LETM2: variants seen among roughly 807,000 people sequenced by gnomAD.
LETM2 encodes the protein LETM1 domain-containing protein LETM2, mitochondrial.
Under a neutral mutation model 59.6 loss-of-function variants are expected in LETM2, and 58 were observed. The ratio of observed to expected loss-of-function variants is 0.97; its 90% CI spans 0.79 to 1.21. LETM2 has a LOEUF of 1.21. Among genes scored for constraint, LETM2 ranks in the 50% most tolerant of loss-of-function variants. The pLI, the probability that LETM2 is intolerant of heterozygous loss-of-function variation, is 0.00. For missense variants in LETM2, 572 were observed against 575.7 expected (o/e 0.99, Z 0.07); for synonymous variants, 199 against 214.1 (o/e 0.93, Z 0.62).
chr8:38,398,368 C>T (rs2150431762), intron 4 of LETM2, among the ~76,000 whole-genome samples: 1 of 152,312 alleles, frequency 6.6e-6, no homozygotes, highest in African/African-American at 2.4e-5. Context: ...GAACACCACT[C>T]ATTCCCTGAA....
chr8:38,388,131 A>C (rs763499927), intron 2 of LETM2, 101 bp downstream of exon 2: 10 of 787,924 alleles, frequency 1.3e-5, no homozygotes, highest in Non-Finnish European at 1.8e-5. Flanking sequence ...CCCAGGCTGG[A>C]GTTCAATGGT....
At chr8:38,385,998 TC>T (rs1192266975), upstream of LETM2, among the ~76,000 whole-genome samples, 2 of 152,256 alleles carry the variant, frequency 1.3e-5, no homozygotes, top group Non-Finnish European at 2.9e-5. Context: ...TTCACAGTAT[TC>T]CAGCCTCTGG....
intron 8 of LETM2, 155 bp downstream of exon 8, chr8:38,404,661 A>T: frequency 1.7e-6 from 1 of 584,760 alleles, no homozygotes; most frequent in Non-Finnish European, 3.1e-6. Context: ...TTCTAAAAAA[A>T]CCAACCAACC....
At chr8:38,407,624 C>T (rs1813836931) in intron 10 of LETM2, among the ~76,000 whole-genome samples, 161 bp downstream of exon 10, 1 of 151,376 alleles carries the variant, frequency 6.6e-6, no homozygotes, top group Non-Finnish European at 1.5e-5. Context: ...CATCTTGTAA[C>T]CACGTTTTTT....
intron 4 of LETM2, among the ~76,000 whole-genome samples, chr8:38,398,580 C>T (rs1455367075): frequency 1.3e-5 from 2 of 152,156 alleles, no homozygotes; most frequent in Admixed American, 6.6e-5. Flanking sequence ...TCCCACTACA[C>T]TAAAAGTTCC....
chr8:38,395,830 T>C (rs1812641046), intron 4 of LETM2, among the ~76,000 whole-genome samples: 1 of 152,188 alleles, frequency 6.6e-6, no homozygotes, highest in Non-Finnish European at 1.5e-5. Flanking sequence ...GGTTGACTTT[T>C]TAATTGGGTT....
At chr8:38,406,722 G>A in intron 8 of LETM2, 2 of 429,932 alleles carry the variant, frequency 4.7e-6, no homozygotes, top group Non-Finnish European at 4.1e-6. Flanking sequence ...CTATCAGAGT[G>A]CAACTTTTGT....
chr8:38,395,204 T>G (rs1812592021), intron 4 of LETM2, among the ~76,000 whole-genome samples: 1 of 152,230 alleles, frequency 6.6e-6, no homozygotes. Flanking sequence ...GGTTTTTGTG[T>G]GGATGTAAGC....
At chr8:38,383,735 C>A (rs1811666562), upstream of LETM2, among the ~76,000 whole-genome samples, 1 of 151,772 alleles carries the variant, frequency 6.6e-6, no homozygotes, top group Non-Finnish European at 1.5e-5. Flanking sequence ...TCGAGACCAT[C>A]CTGGCTAAGA....
rs189862178 is a variant in LETM2, at chr8:38,389,457, A to C, written c.47+1427A>C. On this transcript the variant is annotated intron_variant, in intron 2 of 10. Coordinates refer to ENST00000379957, the MANE Select transcript of LETM2 (RefSeq NM_001286819.2). ...GATCTTGAACTCCTGACCTCAAGTG[A>C]TCCACCCACCTCAGCCTCCCAAACT... Among the ~76,000 whole-genome samples, 249 of 151,804 alleles carry C rather than the reference A, an allele frequency of 1.6e-3. 2 individuals carry two copies. Among genetic ancestry groups the C allele is most frequent in the South Asian group, 5.4e-3 (26 of 4,810 alleles).
Position 38,392,893 on chromosome 8 carries a change from T to C in LETM2, c.399T>C (p.Tyr133=). The C allele has an allele frequency of 1.9e-6, 3 of 1,613,992 alleles. No homozygotes were observed. The highest frequency in any genetic ancestry group is 2.5e-6 in the Non-Finnish European group (3 of 1,180,024). ...AAATCATGGATGAACTAAAATATTA[T>C]TACAATGGATTCTACTTACTTTGGA... ...RQKIMDELKY[Y]YNGFYLLWID... is the part of the protein sequence containing the mutation. Residue 133 remains tyrosine (Y), a synonymous_variant, in exon 3 of 11, where the codon TAT becomes TAC. Transcript: ENST00000379957.
chr8:38,402,452 G>A, intron 6 of LETM2, 73 bp from the exon 7 acceptor site: 1 of 1,547,838 alleles, frequency 6.5e-7, no homozygotes, highest in Middle Eastern at 1.7e-4. Context: ...TGTTTCCACT[G>A]ATTTGCTGGA....
intron 1 of LETM2, chr8:38,387,258 GA>G (rs1479303654): frequency 6.6e-6 from 1 of 152,224 alleles, no homozygotes; most frequent in Admixed American, 6.5e-5. Flanking sequence ...AGAGCTCCTG[GA>G]ACTCTTTTCC....
At chr8:38,385,403 T>A (rs561273568), upstream of LETM2, among the ~76,000 whole-genome samples, 7 of 152,064 alleles carry the variant, frequency 4.6e-5, no homozygotes, top group African/African-American at 1.4e-4. Flanking sequence ...AAAAAAAAAT[T>A]TTTTTTTGAG....
At position 38,408,965 on chromosome 8, in the gene LETM2, C is replaced by G. The variant is rs962230739; in HGVS notation, c.*691C>G. 1 of 152,284 alleles carries G rather than the reference C, an allele frequency of 6.6e-6. No homozygotes were observed. Among genetic ancestry groups the G allele is most frequent in the Non-Finnish European group, 1.5e-5 (1 of 68,102 alleles). 9.4% of individuals were successfully genotyped at this position (152,284 alleles called of 1,614,324 possible). The stretch of plus-strand genomic sequence containing the variant: ...CATTAGCCACCATTTTGCTAGGAAG[C>G]ATAATTAAGGGTTTAAGCCTTAACC... On this transcript the variant is annotated 3_prime_UTR_variant, in exon 11 of 11. Coordinates refer to ENST00000379957, the MANE Select transcript of LETM2 (RefSeq NM_001286819.2).
rs1217417898 is a variant in LETM2 at position 38,407,464 on chromosome 8, G to A, written c.1413+1G>A. ...ACCCATCACTTCTTCTGAAGAACCT[G>A]TAAGTATCTTTAATAAATGAAAAAG... On this transcript the variant is annotated splice_donor_variant, in intron 10 of 10. Transcript: ENST00000379957. LOFTEE classifies it high-confidence loss of function. The A allele has an allele frequency of 1.9e-6, 3 of 1,561,550 alleles. No homozygotes were observed. The highest frequency in any genetic ancestry group is 2.6e-6 in the Non-Finnish European group (3 of 1,132,864).
At position 38,402,645 on chromosome 8, in the gene LETM2, G is replaced by T. The variant is rs775275612; in HGVS notation, c.1104+1G>T. 1.2e-6 allele frequency: 2 copies of T among 1,613,970 alleles called. No homozygotes were observed. The highest frequency in any genetic ancestry group is 1.7e-6 in the Non-Finnish European group (2 of 1,179,942). ...ACAACTGCGACAACAGCTCACGGAG[G>T]CAAGTAGCAGCGCCCCTCTGGGGTC... On this transcript the variant is annotated splice_donor_variant, in intron 7 of 10. Transcript: ENST00000379957. LOFTEE classifies it high-confidence loss of function.
intron 1 of LETM2, 181 bp downstream of exon 1, chr8:38,386,749 C>T (rs1239072620): frequency 6.5e-6 from 1 of 153,188 alleles, no homozygotes. Context: ...GCCAGTTCCC[C>T]AGCACAGCGC....
chr8:38,396,375 G>A (rs1162537078), intron 4 of LETM2, among the ~76,000 whole-genome samples: 2 of 152,002 alleles, frequency 1.3e-5, no homozygotes, highest in Non-Finnish European at 2.9e-5. Context: ...TGTTGGCCAG[G>A]CTGGTCTCGA....
Sources: allele counts gnomAD v4.1 joint callset (sites outside exome capture counted in the v4.1 genomes callset), GRCh38; gene constraint gnomAD v4.1.1; transcripts MANE v1.5; gene names NCBI Gene and HGNC (gene_info 2026-07-23, HGNC 2026-07-21).